SCN2B: variants seen among roughly 807,000 people sequenced by gnomAD.
SCN2B encodes the protein sodium voltage-gated channel beta subunit 2.
A neutral mutation model predicts 18.2 loss-of-function variants in SCN2B; 14 were observed. The ratio of observed to expected loss-of-function variants is 0.77; its 90% confidence interval spans 0.51 to 1.21. The LOEUF is 1.21. Among genes scored for constraint, SCN2B ranks in the 50% most tolerant of loss-of-function variants. SCN2B has a pLI of 0.00. For synonymous variants in SCN2B, 115 were observed against 115.3 expected (o/e 1.00, Z 0.02); for missense variants, 262 against 286.9 (o/e 0.91, Z 0.63).
chr11:118,176,203 C>T (rs1480579918), intron 1 of SCN2B, among the ~76,000 whole-genome samples, 159 bp downstream of exon 1: 2 of 152,178 alleles, frequency 1.3e-5, no homozygotes, highest in Non-Finnish European at 2.9e-5. Flanking sequence ...GGGTTCTGCA[C>T]TCCCCAGCAA....
rs1351094122 is a variant in SCN2B, at chr11:118,164,804, T to C, written c.*2083A>G. ...GGCACAGTGCCTGGCACATAATAGA[T>C]GCTCAATAAATGGTTGCTGAATTGA... On this transcript the variant is annotated 3_prime_UTR_variant, in exon 4 of 4. Transcript: ENST00000278947. 6.6e-6 allele frequency: 1 copy of C among 152,662 alleles called. No individual in the cohort carries two copies. The highest frequency in any genetic ancestry group is 2.4e-5 in the African/African-American group (1 of 41,450). The allele number at this position is 152,662 out of a possible 1,614,324, so 9.5% of individuals were successfully genotyped here. A position where few individuals can be genotyped will look rare whatever the true frequency, so the allele number is the denominator to read the frequency against.
At chr11:118,174,960 T>C (rs1446565092) in intron 1 of SCN2B, among the ~76,000 whole-genome samples, 1 of 152,206 alleles carries the variant, frequency 6.6e-6, no homozygotes, top group Non-Finnish European at 1.5e-5. Context: ...TGCCATTTCT[T>C]GAACATTGGG....
At position 118,176,297 on chromosome 11, in the gene SCN2B, C is replaced by A. The variant is rs932865115; in HGVS notation, c.70+65G>T. On this transcript the variant is annotated intron_variant, in intron 1 of 3. Transcript: ENST00000278947. ...ATGTCTTCTTTCCTATCCCCTGCCC[C>A]CATCCTCTTCACATTGCGGCTACAC... 7.9e-6 allele frequency: 11 copies of A among 1,392,354 alleles called. 1 individual carries two copies. In the South Asian group the frequency reaches 1.0e-4, roughly 13 times the overall value. The allele number at this position is 1,392,354 out of a possible 1,614,324, so 86.2% of individuals were successfully genotyped here. A position where few individuals can be genotyped will look rare whatever the true frequency, so the allele number is the denominator to read the frequency against.
In SCN2B at chr11:118,167,006, G is replaced by A; in HGVS notation, c.529C>T (p.Leu177=). ...CTCCTCACACACTTGACCACCATCA[G>A]CACCAAGATGACCACAGCCAGGAAG... ...GGFLAVVILV[L]MVVKCVRRKK... Residue 177 remains leucine, a synonymous_variant, in exon 4 of 4, where the codon CTG becomes TTG. Transcript: ENST00000278947. The A allele has an allele frequency of 3.7e-6, 6 of 1,613,926 alleles. No individual in the cohort carries two copies. Among genetic ancestry groups the A allele is most frequent in the Non-Finnish European group, 5.1e-6 (6 of 1,180,016 alleles).
rs776528668 is a variant in SCN2B at position 118,168,206 on chromosome 11, A to G, written c.327T>C (p.Asp109=). ...GCACGTTTCTCAGCATCACCGACAC[A>G]TCGTACTTGCTGGGGTTCCCTGAGA... ...VEFSGNPSKY[D]VSVMLRNVQP... is the part of the protein sequence containing the mutation. The change falls in exon 3 of 4, where the codon GAT becomes GAC. Residue 109 remains aspartate, a synonymous_variant. Transcript: ENST00000278947. The surrounding 1 kb of genome is among the most constrained non-coding windows in gnomAD (Gnocchi z 4.7). 18 of 1,614,070 alleles carry G rather than the reference A, an allele frequency of 1.1e-5. No homozygotes were observed. The highest frequency in any genetic ancestry group is 1.5e-5 in the Non-Finnish European group (18 of 1,180,024).
In SCN2B at chr11:118,164,731, A is replaced by G. The variant is rs1376858665; in HGVS notation, c.*2156T>C. On this transcript the variant is annotated 3_prime_UTR_variant, in exon 4 of 4. Transcript: ENST00000278947. ...GTTAATCTTGGTCCCTACAGTGCCA[A>G]CCTGGCAGTCCCCAGTGCTTATGGC... 6.6e-6 allele frequency: 1 copy of G among 152,668 alleles called. No individual in the cohort carries two copies. Among genetic ancestry groups the G allele is most frequent in the Admixed American group, 6.5e-5 (1 of 15,282 alleles). The allele number at this position is 152,668 out of a possible 1,614,324, so 9.5% of individuals were successfully genotyped here. A position where few individuals can be genotyped will look rare whatever the true frequency, so the allele number is the denominator to read the frequency against.
intron 1 of SCN2B, among the ~76,000 whole-genome samples, chr11:118,169,103 A>C (rs966977720): frequency 9.9e-5 from 15 of 152,118 alleles, no homozygotes; most frequent in Admixed American, 2.6e-4. Context: ...TCCCCAGTCC[A>C]TACTCCTGGA....
At position 118,165,693 on chromosome 11, in the gene SCN2B, A is replaced by T. The variant is rs1342679673; in HGVS notation, c.*1194T>A. Reference sequence around the variant, plus strand: ...GGTTTTGCCCATTTCTACTAAACAGATGGAGGTAATCCACCCGCCTTGGCC... The same window carrying T: ...GGTTTTGCCCATTTCTACTAAACAGTTGGAGGTAATCCACCCGCCTTGGCC... On this transcript the variant is annotated 3_prime_UTR_variant, in exon 4 of 4. Coordinates refer to ENST00000278947, the MANE Select transcript of SCN2B (RefSeq NM_004588.5). 2.6e-5 allele frequency: 4 copies of T among 152,234 alleles called. No homozygotes were observed. Among genetic ancestry groups the T allele is most frequent in the African/African-American group, 4.8e-5 (2 of 41,438 alleles). 9.4% of individuals were successfully genotyped at this position (152,234 alleles called of 1,614,324 possible).
intron 1 of SCN2B, among the ~76,000 whole-genome samples, chr11:118,171,663 G>T (rs1296181437): frequency 6.6e-6 from 1 of 152,216 alleles, no homozygotes; most frequent in Non-Finnish European, 1.5e-5. Context: ...CTGCCGTGGG[G>T]GAGGGCAGGG....
chr11:118,173,061 C>T (rs970711489), intron 1 of SCN2B, among the ~76,000 whole-genome samples: 2 of 152,112 alleles, frequency 1.3e-5, no homozygotes, highest in African/African-American at 4.8e-5. Context: ...CAGTCCATCC[C>T]CGTGCAGCCA....
chr11:118,167,897 G>T (rs1460183298), intron 3 of SCN2B, among the ~76,000 whole-genome samples, 188 bp downstream of exon 3: 1 of 152,172 alleles, frequency 6.6e-6, no homozygotes, highest in Non-Finnish European at 1.5e-5. Context: ...TCATTACCAG[G>T]ACTCTCTGGG....
At chr11:118,169,228 G>A (rs1317993) in intron 1 of SCN2B, among the ~76,000 whole-genome samples, 6,196 of 152,168 alleles carry the variant, frequency 0.041, 437 homozygotes, top group African/African-American at 0.14. Flanking sequence ...GTCAAGCCAG[G>A]GGCAGCCAAA....
intron 3 of SCN2B, among the ~76,000 whole-genome samples, chr11:118,167,610 G>A (rs1219438731): frequency 6.6e-6 from 1 of 152,202 alleles, no homozygotes; most frequent in Non-Finnish European, 1.5e-5. Context: ...AAGCTGGAGT[G>A]CAGTGGCACA....
rs1948403728 is a variant in SCN2B at position 118,168,401 on chromosome 11, G to T, written c.238-106C>A. On this transcript the variant is annotated intron_variant, in intron 2 of 3. Transcript: ENST00000278947. The surrounding 1 kb of genome is among the most constrained non-coding windows in gnomAD (Gnocchi z 4.7). ...TCCACCCTTTTCCTGGGGAAGAGAG[G>T]CAGTTACCTCTGTGAGGCACCTGGA... The T allele has an allele frequency of 1.5e-6, 2 of 1,293,688 alleles. No homozygotes were observed. The highest frequency in any genetic ancestry group is 1.1e-6 in the Non-Finnish European group (1 of 891,300). 80.1% of individuals were successfully genotyped at this position (1,293,688 alleles called of 1,614,324 possible).
At chr11:118,173,413 T>C (rs776430391) in intron 1 of SCN2B, among the ~76,000 whole-genome samples, 21 of 152,230 alleles carry the variant, frequency 1.4e-4, no homozygotes, top group Non-Finnish European at 2.9e-4. Context: ...TCGGTGACTG[T>C]TTCCCCATTG....
chr11:118,167,448 C>T (rs1948394057), intron 3 of SCN2B, among the ~76,000 whole-genome samples: 1 of 152,218 alleles, frequency 6.6e-6, no homozygotes, highest in Admixed American at 6.5e-5. Context: ...TAGTACCTCC[C>T]TCAAAGGTTT....
At chr11:118,175,693 G>C (rs566957524) in intron 1 of SCN2B, among the ~76,000 whole-genome samples, 1 of 152,268 alleles carries the variant, frequency 6.6e-6, no homozygotes, top group Admixed American at 6.5e-5. Context: ...ACCTCGCTCA[G>C]CCTGTGGGTT....
At chr11:118,173,370 A>T (rs1418071875) in intron 1 of SCN2B, among the ~76,000 whole-genome samples, 1 of 152,174 alleles carries the variant, frequency 6.6e-6, no homozygotes, top group Non-Finnish European at 1.5e-5. Flanking sequence ...CCTCCTACTT[A>T]TTCTTCAGGT....
intron 1 of SCN2B, among the ~76,000 whole-genome samples, chr11:118,171,229 G>A (rs1188997109): frequency 6.6e-6 from 1 of 152,218 alleles, no homozygotes; most frequent in Non-Finnish European, 1.5e-5. Flanking sequence ...GAGGATTCCA[G>A]GTGTGAGCTT....
Sources: allele counts gnomAD v4.1 joint callset (sites outside exome capture counted in the v4.1 genomes callset), GRCh38; gene constraint gnomAD v4.1.1; non-coding constraint Gnocchi (gnomAD v3.1); transcripts MANE v1.5; gene names NCBI Gene and HGNC (gene_info 2026-07-23, HGNC 2026-07-21).